Variants in PCLO observed in about 807,000 individuals in gnomAD.
The protein encoded by PCLO is protein piccolo.
PCLO carries 82 observed loss-of-function variants against 427.5 expected under a neutral mutation model. The ratio of observed to expected loss-of-function variants is 0.19; its 90% confidence interval spans 0.16 to 0.23. The LOEUF (loss-of-function observed/expected upper bound fraction) is 0.23, where lower values mean the gene tolerates loss of function less well. Ranked by LOEUF, PCLO falls within the 10% of genes least tolerant of loss-of-function variation. The probability of loss-of-function intolerance (pLI) is 1.00; values close to 1 mark genes in which losing one functional copy is unlikely to be tolerated. For synonymous variants in PCLO, 2,357 were observed against 2,155.4 expected, an observed-to-expected ratio of 1.09 and a Z score of -2.59; for missense variants, 6,239 against 6,115.9, an observed-to-expected ratio of 1.02 and a Z score of -0.67.
At chr7:83,126,512 T>C (rs1179403810) in intron 3 of PCLO, among the ~76,000 whole-genome samples, 1 of 152,166 alleles carries the variant, frequency 6.6e-6, no homozygotes, top group East Asian at 1.9e-4. Flanking sequence ...ACACGTACTA[T>C]GTACTCATAA....
chr7:83,145,885 T>C (rs1413745104), intron 2 of PCLO, among the ~76,000 whole-genome samples: 3 of 152,184 alleles, frequency 2.0e-5, no homozygotes, highest in African/African-American at 7.2e-5. Flanking sequence ...CATACCCACA[T>C]TGCCCAACTT....
At chr7:83,063,346 C>T (rs1355311155) in intron 3 of PCLO, among the ~76,000 whole-genome samples, 1 of 151,964 alleles carries the variant, frequency 6.6e-6, no homozygotes, top group Non-Finnish European at 1.5e-5. Flanking sequence ...TTGTTAATTC[C>T]TGAAAATATA....
At chr7:82,764,289 A>G (rs919052962) in intron 22 of PCLO, among the ~76,000 whole-genome samples, 5 of 151,990 alleles carry the variant, frequency 3.3e-5, no homozygotes, top group African/African-American at 9.6e-5. Flanking sequence ...CATTATAAAA[A>G]CTATAAATAA....
intron 1 of PCLO, among the ~76,000 whole-genome samples, 169 bp from the exon 2 acceptor site, chr7:83,156,561 C>T (rs975605203): frequency 1.3e-5 from 2 of 151,150 alleles, no homozygotes; most frequent in African/African-American, 2.4e-5. Context: ...AGTTTTAATG[C>T]TTTTTTTTCT....
chr7:82,867,768 C>T (rs1793132393), intron 10 of PCLO, among the ~76,000 whole-genome samples: 1 of 152,090 alleles, frequency 6.6e-6, no homozygotes, highest in Non-Finnish European at 1.5e-5. Flanking sequence ...ATTTAGTTTC[C>T]TTCATGTCCC....
At chr7:82,934,096 A>G (rs1439207376) in intron 6 of PCLO, among the ~76,000 whole-genome samples, 1 of 151,890 alleles carries the variant, frequency 6.6e-6, no homozygotes, top group Non-Finnish European at 1.5e-5. Context: ...ACTTTTACAA[A>G]CTACCATTAT....
intron 9 of PCLO, among the ~76,000 whole-genome samples, chr7:82,901,607 G>A (rs1210463079): frequency 6.6e-6 from 1 of 152,014 alleles, no homozygotes; most frequent in Non-Finnish European, 1.5e-5. Context: ...CCTCTGCACA[G>A]CAAAAGAAAC....
chr7:83,124,523 G>A (rs952788748), intron 3 of PCLO, among the ~76,000 whole-genome samples: 1 of 152,056 alleles, frequency 6.6e-6, no homozygotes, highest in African/African-American at 2.4e-5. Flanking sequence ...AAATGTAGGT[G>A]AGGATCTGGA....
chr7:83,154,781 G>C lies in PCLO; in HGVS notation c.1860C>G (p.Leu620=). 1 of 1,613,992 alleles carries C rather than the reference G, an allele frequency of 6.2e-7. No homozygotes were observed. The highest frequency in any genetic ancestry group is 8.5e-7 in the Non-Finnish European group (1 of 1,179,842). Residue 620 remains leucine, a synonymous_variant, in exon 2 of 25, where the codon CTC becomes CTG. Coordinates refer to ENST00000333891, the MANE Select transcript of PCLO (RefSeq NM_033026.6). ...AATGAGGATTGGGATTAAAACCACA[G>C]AGACTACAGACAGTGGTTTGACACT... ...CTECQTTVCS[L]CGFNPNPHLT...
chr7:82,806,480 T>C (rs867413570), intron 20 of PCLO, among the ~76,000 whole-genome samples: 15 of 152,284 alleles, frequency 9.9e-5, no homozygotes, highest in African/African-American at 3.1e-4. Context: ...TAAGAATCCA[T>C]ATTCCCATAC....
At chr7:83,028,678 G>A (rs1166558455) in intron 3 of PCLO, among the ~76,000 whole-genome samples, 1 of 150,836 alleles carries the variant, frequency 6.6e-6, no homozygotes, top group Non-Finnish European at 1.5e-5. Flanking sequence ...GAACAAAGCT[G>A]GAGGCATCAC....
Position 83,064,914 on chromosome 7 carries a change from C to A in PCLO, c.3300+69336G>T, listed in dbSNP as rs150761753. On this transcript the variant is annotated intron_variant, in intron 3 of 24. Transcript: ENST00000333891. ...TTTTCTCCAAAGGGAACAATAACTT[C>A]TAATGGTGGGAGATGGATTCTGTTG... is the stretch of plus-strand genomic sequence containing the variant. Among the ~76,000 whole-genome samples, 391 of 152,044 alleles carry A rather than the reference C, an allele frequency of 2.6e-3. 2 individuals are homozygous for A. The highest frequency in any genetic ancestry group is 9.1e-3 in the African/African-American group (377 of 41,534).
chr7:82,978,037 G>C (rs1796059635), intron 3 of PCLO, among the ~76,000 whole-genome samples: 1 of 151,784 alleles, frequency 6.6e-6, no homozygotes, highest in Non-Finnish European at 1.5e-5. Flanking sequence ...TAAAGTTTTA[G>C]TACCATTTGC....
chr7:83,030,135 GA>G (rs895267938), intron 3 of PCLO, among the ~76,000 whole-genome samples: 1 of 101,568 alleles, frequency 9.8e-6, no homozygotes, highest in Non-Finnish European at 2.3e-5. Flanking sequence ...AAAAAAAAAA[GA>G]AAAGAAAAGA....
At chr7:82,994,029 C>G (rs1796439101) in intron 3 of PCLO, among the ~76,000 whole-genome samples, 1 of 151,754 alleles carries the variant, frequency 6.6e-6, no homozygotes, top group Admixed American at 6.6e-5. Context: ...TATTGGGAGA[C>G]AAAGGTTGAA....
At chr7:83,152,222 C>T (rs929330969) in intron 2 of PCLO, among the ~76,000 whole-genome samples, 2 of 152,128 alleles carry the variant, frequency 1.3e-5, no homozygotes, top group African/African-American at 2.4e-5. Flanking sequence ...CCTCGGCCTC[C>T]CAAAGTGCTG....
intron 3 of PCLO, among the ~76,000 whole-genome samples, chr7:83,114,241 T>C (rs1351437116): frequency 2.0e-5 from 3 of 152,142 alleles, no homozygotes; most frequent in African/African-American, 7.2e-5. Flanking sequence ...CCCTGGGGAT[T>C]CATATTCTGC....
intron 3 of PCLO, among the ~76,000 whole-genome samples, chr7:83,049,039 CTT>C (rs1789170443): frequency 6.6e-6 from 1 of 152,106 alleles, no homozygotes; most frequent in African/African-American, 2.4e-5. Flanking sequence ...ATAATGTACT[CTT>C]TTGTATTTTG....
rs200020543 is a variant in PCLO, at chr7:82,977,380, T to A, written c.3301-10893A>T. Among the ~76,000 whole-genome samples the A allele has an allele frequency of 2.5e-3, 331 of 132,768 alleles. 2 individuals carry two copies. In the East Asian group the frequency reaches 0.036, roughly 14 times the overall value. The allele number at this position is 132,768 out of a possible 152,430, so 87.1% of individuals were successfully genotyped here. On this transcript the variant is annotated intron_variant, in intron 3 of 24. Transcript: ENST00000333891. ...ACTGCCTGAGTGCAAAATTCATCTT[T>A]TTTATTTATTTATTTATTTATTTAT...
Sources: allele counts gnomAD v4.1 joint callset (sites outside exome capture counted in the v4.1 genomes callset), GRCh38; gene constraint gnomAD v4.1.1; transcripts MANE v1.5; gene names NCBI Gene and HGNC (gene_info 2026-07-23, HGNC 2026-07-21).